CREG2: variants seen among roughly 807,000 people sequenced by gnomAD.
The protein encoded by CREG2 is cellular repressor of E1A stimulated genes 2, also known as protein CREG2.
CREG2 carries 24 observed loss-of-function variants against 26.2 expected under a neutral mutation model. The observed-to-expected ratio is 0.92, with a 90% CI of 0.66 to 1.29. CREG2 has a LOEUF of 1.29. Among genes scored for constraint, CREG2 ranks in the 50% most tolerant of loss-of-function variants. The probability of loss-of-function intolerance (pLI) is 0.00; values close to 1 mark genes in which losing one functional copy is unlikely to be tolerated. For missense variants in CREG2, 366 were observed against 398.6 expected (o/e 0.92, Z 0.70); for synonymous variants, 174 against 169.2 (o/e 1.03, Z -0.22).
intron 1 of CREG2, among the ~76,000 whole-genome samples, chr2:101,385,168 A>G (rs1399131415): frequency 1.3e-5 from 2 of 152,058 alleles, no homozygotes; most frequent in Non-Finnish European, 2.9e-5. Flanking sequence ...ATATTTATTT[A>G]TTTATTTTAT....
At chr2:101,375,396 G>A (rs1383327041) in intron 2 of CREG2, among the ~76,000 whole-genome samples, 1 of 152,196 alleles carries the variant, frequency 6.6e-6, no homozygotes, top group East Asian at 1.9e-4. Flanking sequence ...ACTGGTCATG[G>A]TGGGGCAGGG....
chr2:101,383,975 G>A (rs560125801), intron 1 of CREG2, among the ~76,000 whole-genome samples: 18 of 152,322 alleles, frequency 1.2e-4, no homozygotes, highest in Admixed American at 3.9e-4. Flanking sequence ...GAAGCTGCCT[G>A]TGCATGGCAG....
intron 2 of CREG2, among the ~76,000 whole-genome samples, chr2:101,366,128 A>G (rs1308489431): frequency 6.6e-6 from 1 of 152,126 alleles, no homozygotes; most frequent in Non-Finnish European, 1.5e-5. Flanking sequence ...GGAAAACCAT[A>G]AAAGAAAAGG....
At chr2:101,352,422 C>T (rs1308727974) in intron 3 of CREG2, among the ~76,000 whole-genome samples, 9 of 152,160 alleles carry the variant, frequency 5.9e-5, no homozygotes, top group Non-Finnish European at 1.3e-4. Context: ...GCTGGTGCAG[C>T]AAACCCTAAT....
chr2:101,370,636 C>T (rs572003989), intron 2 of CREG2, among the ~76,000 whole-genome samples: 5 of 152,216 alleles, frequency 3.3e-5, no homozygotes, highest in South Asian at 4.2e-4. Context: ...AGTGCAGATC[C>T]GAAGGCCCTT....
At position 101,387,048 on chromosome 2, in the gene CREG2, C is replaced by G; in HGVS notation, c.410G>C (p.Gly137Ala). 1 of 1,232,876 alleles carries G rather than the reference C, an allele frequency of 8.1e-7. No homozygotes were observed. The highest frequency in any genetic ancestry group is 4.1e-5 in the South Asian group (1 of 24,484). The allele number at this position is 1,232,876 out of a possible 1,614,324, so 76.4% of individuals were successfully genotyped here. ...ARSLAHASVW[G>A]CLATVSTHKK... ...GTGGGTGGACACGGTGGCCAGGCAG[C>G]CCCAGACGCTGGCATGGGCCAGGGA... The change falls in exon 1 of 4, where the codon GGC becomes GCC. Residue 137 changes from glycine to alanine, a missense_variant. Coordinates refer to ENST00000324768, the MANE Select transcript of CREG2 (RefSeq NM_153836.4). This position sits in a 1 kb window ranked among gnomAD's most constrained non-coding sequence, Gnocchi z 4.7.
At chr2:101,364,764 A>G (rs1186965266) in intron 2 of CREG2, among the ~76,000 whole-genome samples, 4 of 152,176 alleles carry the variant, frequency 2.6e-5, no homozygotes, top group Non-Finnish European at 4.4e-5. Context: ...AGGAGGTGGA[A>G]GCAGGGCTTA....
intron 2 of CREG2, among the ~76,000 whole-genome samples, chr2:101,377,072 C>T (rs757354032): frequency 6.6e-6 from 1 of 152,136 alleles, no homozygotes; most frequent in East Asian, 1.9e-4. Context: ...TAAACTGAGA[C>T]TTAATTCCCA....
At chr2:101,352,728 A>C (rs1216961810) in intron 3 of CREG2, among the ~76,000 whole-genome samples, 1 of 152,192 alleles carries the variant, frequency 6.6e-6, no homozygotes, top group Non-Finnish European at 1.5e-5. Flanking sequence ...GACTCACTTG[A>C]ACCCAGGAGG....
At chr2:101,355,557 G>T (rs1030301882) in intron 2 of CREG2, among the ~76,000 whole-genome samples, 191 bp from the exon 3 acceptor site, 3 of 152,134 alleles carry the variant, frequency 2.0e-5, no homozygotes, top group African/African-American at 7.2e-5. Flanking sequence ...CTTGCAATAG[G>T]TGTGCTTATG....
At position 101,346,555 on chromosome 2, in the gene CREG2, A is replaced by G. The variant is rs1684309580; in HGVS notation, c.*4368T>C. ...TAACATTAAATTGAACATATTTAGG[A>G]AAATTTTAAAGAATTTTACACCTCT... On this transcript the variant is annotated 3_prime_UTR_variant, in exon 4 of 4. Transcript: ENST00000324768. 6.6e-6 allele frequency: 1 copy of G among 152,214 alleles called. No individual in the cohort carries two copies. Among genetic ancestry groups the G allele is most frequent in the Non-Finnish European group, 1.5e-5 (1 of 68,036 alleles). 9.4% of individuals were successfully genotyped at this position (152,214 alleles called of 1,614,324 possible).
chr2:101,359,742 C>A (rs1351732401), intron 2 of CREG2, among the ~76,000 whole-genome samples: 1 of 152,198 alleles, frequency 6.6e-6, no homozygotes, highest in Non-Finnish European at 1.5e-5. Context: ...ACTCCTTATG[C>A]CAAAGGGAAG....
chr2:101,350,628 A>C lies in CREG2; in HGVS notation c.*295T>G, dbSNP rs753520165. 1.2e-4 allele frequency: 34 copies of C among 275,780 alleles called. No homozygotes were observed. Among genetic ancestry groups the C allele is most frequent in the Non-Finnish European group, 2.2e-4 (32 of 148,116 alleles). The allele number at this position is 275,780 out of a possible 1,614,324, so 17.1% of individuals were successfully genotyped here. A position where few individuals can be genotyped will look rare whatever the true frequency, so the allele number is the denominator to read the frequency against. On this transcript the variant is annotated 3_prime_UTR_variant, in exon 4 of 4. Transcript: ENST00000324768. ...ACAATGAAACAACAATGATCTCAAC[A>C]TGTCATTTTGACCACCAGCTATTAT...
intron 2 of CREG2, among the ~76,000 whole-genome samples, chr2:101,362,073 T>C (rs983545596): frequency 6.6e-6 from 1 of 152,148 alleles, no homozygotes; most frequent in East Asian, 1.9e-4. Flanking sequence ...TCCCTGGCTA[T>C]AGTGATGGAT....
chr2:101,386,760 G>T (rs116598267), intron 1 of CREG2, among the ~76,000 whole-genome samples: 1,656 of 152,202 alleles, frequency 0.011, 22 homozygotes, highest in African/African-American at 0.037. Context: ...ACCTCAAGGT[G>T]GGGATTCGGT....
At chr2:101,381,137 G>A (rs762304263) in intron 2 of CREG2, among the ~76,000 whole-genome samples, 29 of 152,168 alleles carry the variant, frequency 1.9e-4, no homozygotes, top group African/African-American at 6.8e-4. Context: ...AGCACGTGAC[G>A]ACGATCTCTG....
chr2:101,380,901 G>A (rs777562054), intron 2 of CREG2, among the ~76,000 whole-genome samples: 1 of 151,948 alleles, frequency 6.6e-6, no homozygotes, highest in African/African-American at 2.4e-5. Flanking sequence ...CTGAGATTGA[G>A]CCACTGCACT....
At position 101,350,725 on chromosome 2, in the gene CREG2, A is replaced by C. The variant is rs1684368780; in HGVS notation, c.*198T>G. ...ACTATCTACGTGAAGTATCTGTGTG[A>C]GTTGGAGATCTGCAAATGACCACTT... On this transcript the variant is annotated 3_prime_UTR_variant, in exon 4 of 4. Transcript: ENST00000324768. The C allele has an allele frequency of 3.5e-6, 2 of 576,816 alleles. No homozygotes were observed. The highest frequency in any genetic ancestry group is 6.2e-6 in the Non-Finnish European group (2 of 325,042). 35.7% of individuals were successfully genotyped at this position (576,816 alleles called of 1,614,324 possible).
rs539585263 is a variant in CREG2, at chr2:101,346,145, T to C, written c.*4778A>G. 2 of 152,230 alleles carry C rather than the reference T, an allele frequency of 1.3e-5. No homozygotes were observed. Among genetic ancestry groups the C allele is most frequent in the Admixed American group, 1.3e-4 (2 of 15,288 alleles). The allele number at this position is 152,230 out of a possible 1,614,324, so 9.4% of individuals were successfully genotyped here. The stretch of plus-strand genomic sequence containing the variant: ...TGAGCTACCTTGCTCAGCCTAGAAA[T>C]ACTTTTCAACCAAAAAGCGACTCTC... On this transcript the variant is annotated 3_prime_UTR_variant, in exon 4 of 4. Coordinates refer to ENST00000324768, the MANE Select transcript of CREG2 (RefSeq NM_153836.4).
Sources: allele counts gnomAD v4.1 joint callset (sites outside exome capture counted in the v4.1 genomes callset), GRCh38; gene constraint gnomAD v4.1.1; non-coding constraint Gnocchi (gnomAD v3.1); transcripts MANE v1.5; gene names NCBI Gene and HGNC (gene_info 2026-07-23, HGNC 2026-07-21).